The following RAB8B variants were observed in gnomAD, a reference collection of about 807,000 sequenced individuals.
The protein encoded by RAB8B is RAB8B, member RAS oncogene family.
RAB8B carries 11 observed loss-of-function variants against 32.0 expected under a neutral mutation model. The observed-to-expected ratio is 0.34, with a 90% CI of 0.22 to 0.57. RAB8B has a LOEUF of 0.57. RAB8B is among the 20% of genes least tolerant of loss of function. RAB8B has a pLI of 0.86. For missense variants in RAB8B, 190 were observed against 258.5 expected, an observed-to-expected ratio of 0.73 and a Z score of 1.82; for synonymous variants, 103 against 89.6, an observed-to-expected ratio of 1.15 and a Z score of -0.85.
chr15:63,234,793 C>A (rs1344157681), intron 1 of RAB8B, among the ~76,000 whole-genome samples: 1 of 152,214 alleles, frequency 6.6e-6, no homozygotes, highest in African/African-American at 2.4e-5. Context: ...ACCTCCCACC[C>A]CAAGGGTGGG....
At chr15:63,253,273 G>C (rs1172006803) in intron 3 of RAB8B, among the ~76,000 whole-genome samples, 3 of 152,222 alleles carry the variant, frequency 2.0e-5, no homozygotes, top group African/African-American at 7.2e-5. Flanking sequence ...TACTCTGAGA[G>C]ATATATTCTG....
intron 1 of RAB8B, among the ~76,000 whole-genome samples, chr15:63,217,793 A>G (rs557568676): frequency 1.3e-5 from 2 of 152,044 alleles, no homozygotes; most frequent in African/African-American, 4.8e-5. Context: ...GTAGATCGCT[A>G]TGTTTATTCC....
At chr15:63,223,796 C>T (rs916683923) in intron 1 of RAB8B, 1 of 386,690 alleles carries the variant, frequency 2.6e-6, no homozygotes, top group African/African-American at 2.1e-5. Context: ...GACTGATACA[C>T]TGTTCCAAAA....
At position 63,264,043 on chromosome 15, in the gene RAB8B, T is replaced by C. The variant is rs2152586368; in HGVS notation, c.*424T>C. On this transcript the variant is annotated 3_prime_UTR_variant, in exon 8 of 8. Coordinates refer to ENST00000321437, the MANE Select transcript of RAB8B (RefSeq NM_016530.3). ...AGAGCATTTACAGCAGAGGTTAATA[T>C]ACTAAAATTAAAGGGTATTTGGTCT... 1 of 156,748 alleles carries C rather than the reference T, an allele frequency of 6.4e-6. No individual in the cohort carries two copies. Among genetic ancestry groups the C allele is most frequent in the Non-Finnish European group, 1.4e-5 (1 of 69,594 alleles). 9.7% of individuals were successfully genotyped at this position (156,748 alleles called of 1,614,324 possible).
intron 1 of RAB8B, among the ~76,000 whole-genome samples, chr15:63,216,064 C>T (rs762114548): frequency 6.6e-6 from 1 of 151,632 alleles, no homozygotes; most frequent in Non-Finnish European, 1.5e-5. Context: ...AGAAAATTAC[C>T]CTATTCAAGA....
chr15:63,212,968 G>A (rs1269092441), intron 1 of RAB8B, among the ~76,000 whole-genome samples: 1 of 152,168 alleles, frequency 6.6e-6, no homozygotes, highest in Non-Finnish European at 1.5e-5. Context: ...TTAACTATGA[G>A]GTTTGTCTTA....
In RAB8B at chr15:63,256,503, A is replaced by C. The variant is rs80297486; in HGVS notation, c.325-2A>C. 1.3e-6 allele frequency: 2 copies of C among 1,596,736 alleles called. No individual in the cohort carries two copies. Among genetic ancestry groups the C allele is most frequent in the Non-Finnish European group, 1.7e-6 (2 of 1,174,536 alleles). The stretch of plus-strand genomic sequence containing the variant: ...TTATAGCATGCTATTTTCTCCCTGC[A>C]GCATGCCTCTTCCGATGTCGAAAGA... On this transcript the variant is annotated splice_acceptor_variant, in intron 4 of 7. Transcript: ENST00000321437. LOFTEE classifies it high-confidence loss of function.
rs780874950 is a variant in RAB8B, at chr15:63,263,511, A to G, written c.532-16A>G. The G allele has an allele frequency of 3.2e-6, 5 of 1,584,154 alleles. No homozygotes were observed. The highest frequency in any genetic ancestry group is 3.5e-6 in the Non-Finnish European group (4 of 1,153,630). On this transcript the variant is annotated splice_polypyrimidine_tract_variant and intron_variant, in intron 7 of 7. Transcript: ENST00000321437. ...AAACTTTTATTTCCTTGGTAACTTCATCTTCTATTTTTTAGAATGACAGCA... is the reference window on the plus strand; with the variant it reads ...AAACTTTTATTTCCTTGGTAACTTCGTCTTCTATTTTTTAGAATGACAGCA...
chr15:63,248,665 A>G lies in RAB8B; in HGVS notation c.186-980A>G, dbSNP rs898896603. On this transcript the variant is annotated intron_variant, in intron 2 of 7. Transcript: ENST00000321437. This position sits in a 1 kb window ranked among gnomAD's most constrained non-coding sequence, Gnocchi z 4.4. ...GTAGCCCACCCTAATGGGCTGTGGTAGACATCACGTGAGTGCAGTGTGAAA... is the reference window on the plus strand; with the variant it reads ...GTAGCCCACCCTAATGGGCTGTGGTGGACATCACGTGAGTGCAGTGTGAAA... Among the ~76,000 whole-genome samples, 11 of 152,244 alleles carry G rather than the reference A, an allele frequency of 7.2e-5. No individual in the cohort carries two copies. Among genetic ancestry groups the G allele is most frequent in the African/African-American group, 2.7e-4 (11 of 41,466 alleles).
At chr15:63,192,231 A>G (rs1567006319) in intron 1 of RAB8B, among the ~76,000 whole-genome samples, 1 of 152,248 alleles carries the variant, frequency 6.6e-6, no homozygotes, top group Non-Finnish European at 1.5e-5. Flanking sequence ...AAACTGCAGA[A>G]TTATATAGAA....
At chr15:63,257,069 A>G (rs1439062072) in intron 5 of RAB8B, among the ~76,000 whole-genome samples, 2 of 152,156 alleles carry the variant, frequency 1.3e-5, no homozygotes, top group African/African-American at 4.8e-5. Flanking sequence ...TGATCAAGCT[A>G]TGGATGTCAT....
At position 63,255,689 on chromosome 15, in the gene RAB8B, G is replaced by A; in HGVS notation, c.324+105G>A. 9.3e-6 allele frequency: 8 copies of A among 862,476 alleles called. No homozygotes were observed. The South Asian group carries it at 1.1e-4, about 12-fold the overall frequency. 53.4% of individuals were successfully genotyped at this position (862,476 alleles called of 1,614,324 possible). On this transcript the variant is annotated intron_variant, in intron 4 of 7. Coordinates refer to ENST00000321437, the MANE Select transcript of RAB8B (RefSeq NM_016530.3). ...GCTGAGCTGCTTAGAAGCAGGGCAT[G>A]GGCAGGTTGGGCCCTCTCTCTCTGA...
intron 1 of RAB8B, among the ~76,000 whole-genome samples, chr15:63,216,840 A>T (rs1339720128): frequency 6.7e-6 from 1 of 149,814 alleles, no homozygotes; most frequent in East Asian, 2.0e-4. Context: ...AGCCTGGGTG[A>T]CAGAGTGAGA....
intron 1 of RAB8B, among the ~76,000 whole-genome samples, chr15:63,222,061 A>T (rs573902493): frequency 1.3e-5 from 2 of 152,338 alleles, no homozygotes; most frequent in South Asian, 4.1e-4. Context: ...GACTGGGTTC[A>T]GCTGATTAGA....
intron 1 of RAB8B, among the ~76,000 whole-genome samples, chr15:63,197,259 T>A (rs921346317): frequency 6.6e-6 from 1 of 151,376 alleles, no homozygotes; most frequent in African/African-American, 2.4e-5. Flanking sequence ...TTTATTCTCA[T>A]CTTACAGAAA....
At chr15:63,197,537 T>C (rs2037613525) in intron 1 of RAB8B, among the ~76,000 whole-genome samples, 1 of 151,654 alleles carries the variant, frequency 6.6e-6, no homozygotes, top group Non-Finnish European at 1.5e-5. Context: ...CCATACCTGG[T>C]TAATTTTTGT....
In RAB8B at chr15:63,250,202, G is replaced by A. The variant is rs1031294288; in HGVS notation, c.246+497G>A. ...ATATACTTTGCCAGTGGTCTTCATC[G>A]TAATAATCAGGTGATTAACTTATAG... On this transcript the variant is annotated intron_variant, in intron 3 of 7. Transcript: ENST00000321437. Among the ~76,000 whole-genome samples, 12 of 152,328 alleles carry A rather than the reference G, an allele frequency of 7.9e-5. No individual in the cohort carries two copies. The East Asian group carries it at 1.2e-3, about 15-fold the overall frequency.
chr15:63,250,552 T>A (rs1178861729), intron 3 of RAB8B, among the ~76,000 whole-genome samples: 4 of 152,244 alleles, frequency 2.6e-5, no homozygotes, highest in East Asian at 3.9e-4. Context: ...ACTTGTTATG[T>A]TCTATCCTAA....
At chr15:63,238,047 T>C (rs2037997716) in intron 1 of RAB8B, among the ~76,000 whole-genome samples, 1 of 152,108 alleles carries the variant, frequency 6.6e-6, no homozygotes. Flanking sequence ...TCACTGTAGA[T>C]ATATAGATTT....
Sources: gnomAD v4.1 joint callset for allele counts (sites outside exome capture counted in the v4.1 genomes callset) on GRCh38, gnomAD v4.1.1 for gene constraint, Gnocchi (gnomAD v3.1) non-coding constraint, MANE v1.5 for transcripts, NCBI Gene and HGNC (gene_info 2026-07-23, HGNC 2026-07-21) for gene names.